The following TAFA5 variants were observed in gnomAD, a reference collection of about 807,000 sequenced individuals.
The protein encoded by TAFA5 is TAFA chemokine like family member 5.
A neutral mutation model predicts 15.3 loss-of-function variants in TAFA5; 6 were observed. That is an observed-to-expected ratio of 0.39 (90% CI 0.21 to 0.77). The LOEUF (loss-of-function observed/expected upper bound fraction) is 0.77. Among genes scored for constraint, TAFA5 ranks in the 30% least tolerant of loss-of-function variants. The probability of loss-of-function intolerance (pLI) is 0.41; values close to 1 mark genes in which losing one functional copy is unlikely to be tolerated. For missense variants in TAFA5, 161 were observed against 193.1 expected (o/e 0.83, Z 0.98); for synonymous variants, 103 against 80.7 (o/e 1.28, Z -1.48).
At chr22:48,605,990 G>A (rs1925179769) in intron 1 of TAFA5, among the ~76,000 whole-genome samples, 1 of 152,206 alleles carries the variant, frequency 6.6e-6, no homozygotes, top group South Asian at 2.1e-4. Flanking sequence ...CTGGGTGGCT[G>A]GAGGAGGCAG....
At chr22:48,634,658 C>T (rs1926379719) in intron 1 of TAFA5, among the ~76,000 whole-genome samples, 1 of 150,364 alleles carries the variant, frequency 6.7e-6, no homozygotes, top group Admixed American at 6.6e-5. Flanking sequence ...TTCACTCACT[C>T]ACTCACTCAC....
intron 1 of TAFA5, among the ~76,000 whole-genome samples, chr22:48,498,802 C>A (rs11913281): frequency 0.15 from 22,603 of 152,132 alleles, 1,820 homozygotes; most frequent in African/African-American, 0.22. Flanking sequence ...GGACAATCAG[C>A]CCACTGGAAG....
At chr22:48,562,128 G>A (rs1337213196) in intron 1 of TAFA5, among the ~76,000 whole-genome samples, 1 of 152,090 alleles carries the variant, frequency 6.6e-6, no homozygotes, top group East Asian at 1.9e-4. Context: ...TTTCCCCAGA[G>A]CCTTTCTTTT....
chr22:48,662,525 G>A (rs74576216), intron 2 of TAFA5, among the ~76,000 whole-genome samples: 12,344 of 152,122 alleles, frequency 0.081, 654 homozygotes, highest in Non-Finnish European at 0.12. Flanking sequence ...TCCAGTAGAG[G>A]TGTGAGACCG....
chr22:48,547,545 T>C (rs6008753), intron 1 of TAFA5, among the ~76,000 whole-genome samples: 15,257 of 152,258 alleles, frequency 0.1, 1,547 homozygotes, highest in East Asian at 0.24. Context: ...CTGAAGCAGC[T>C]GGGAGACTCT....
intron 2 of TAFA5, among the ~76,000 whole-genome samples, chr22:48,690,918 C>T (rs1418013666): frequency 1.3e-5 from 2 of 151,906 alleles, no homozygotes; most frequent in Non-Finnish European, 2.9e-5. Context: ...GAGGACGCCT[C>T]GCCTCCTGAG....
intron 1 of TAFA5, among the ~76,000 whole-genome samples, chr22:48,499,709 G>A (rs1920942415): frequency 6.6e-6 from 1 of 152,204 alleles, no homozygotes; most frequent in Non-Finnish European, 1.5e-5. Flanking sequence ...CTCCTGCCTG[G>A]GGCGACCTCT....
chr22:48,622,448 G>A (rs1348114823), intron 1 of TAFA5, among the ~76,000 whole-genome samples: 1 of 152,218 alleles, frequency 6.6e-6, no homozygotes. Flanking sequence ...ATTGCACTCA[G>A]CTCCACTACA....
intron 1 of TAFA5, among the ~76,000 whole-genome samples, chr22:48,600,855 C>T (rs559620286): frequency 8.5e-5 from 13 of 152,244 alleles, no homozygotes; most frequent in African/African-American, 2.9e-4. Flanking sequence ...GGGCGGTTAC[C>T]GGATTGACTG....
intron 2 of TAFA5, chr22:48,693,124 C>T (rs1928595116): frequency 3.1e-6 from 2 of 654,042 alleles, no homozygotes; most frequent in African/African-American, 1.8e-5. Flanking sequence ...TTCCCAGTAG[C>T]TGAGCGCAGG....
At chr22:48,620,293 C>T (rs1028214717) in intron 1 of TAFA5, among the ~76,000 whole-genome samples, 25 of 152,226 alleles carry the variant, frequency 1.6e-4, no homozygotes, top group African/African-American at 6.0e-4. Flanking sequence ...CATCTCCCGC[C>T]TCTTCCTCAG....
chr22:48,665,601 A>G (rs970717576), intron 2 of TAFA5, among the ~76,000 whole-genome samples: 2 of 152,098 alleles, frequency 1.3e-5, no homozygotes, highest in African/African-American at 4.8e-5. Context: ...TTCTCTGCAC[A>G]TGGAGACCCG....
chr22:48,693,287 T>C lies in TAFA5; in HGVS notation c.263-14430T>C. The C allele has an allele frequency of 4.4e-6, 7 of 1,596,272 alleles. No homozygotes were observed. In the South Asian group the frequency reaches 7.9e-5, roughly 18 times the overall value. ...AGACCTTTTCATCCCATAATTCTGC[T>C]CCCAGAAATTTGCCCTAAGAGAGTA... On this transcript the variant is annotated intron_variant, in intron 2 of 3. Transcript: ENST00000402357.
intron 2 of TAFA5, among the ~76,000 whole-genome samples, chr22:48,673,705 C>T (rs1352474030): frequency 6.6e-6 from 1 of 152,094 alleles, no homozygotes; most frequent in Admixed American, 6.6e-5. Flanking sequence ...GACCTCAGCC[C>T]CGGGTATGTA....
chr22:48,577,561 G>A (rs1478215294), intron 1 of TAFA5, among the ~76,000 whole-genome samples: 1 of 152,224 alleles, frequency 6.6e-6, no homozygotes, highest in Admixed American at 6.5e-5. Flanking sequence ...CTGTGTGGCT[G>A]GTAAGGCGCT....
intron 1 of TAFA5, among the ~76,000 whole-genome samples, chr22:48,623,328 G>A (rs1411045176): frequency 8.5e-6 from 1 of 117,456 alleles, no homozygotes; most frequent in African/African-American, 3.2e-5. Context: ...CATGTCGCGT[G>A]GCCCTGCGTG....
At chr22:48,731,280 C>T (rs1427224204) in intron 3 of TAFA5, among the ~76,000 whole-genome samples, 2 of 152,190 alleles carry the variant, frequency 1.3e-5, no homozygotes, top group East Asian at 3.8e-4. Flanking sequence ...AAGCTGTCTC[C>T]ACTACATAAA....
chr22:48,513,753 G>C (rs768373643), intron 1 of TAFA5, among the ~76,000 whole-genome samples: 13 of 152,206 alleles, frequency 8.5e-5, no homozygotes, highest in Non-Finnish European at 1.5e-4. Context: ...GTCCCAGTGA[G>C]GGCCACTTTG....
intron 1 of TAFA5, among the ~76,000 whole-genome samples, chr22:48,574,291 G>GA (rs1923683834): frequency 6.6e-6 from 1 of 152,142 alleles, no homozygotes; most frequent in African/African-American, 2.4e-5. Flanking sequence ...TGTTTTCGGG[G>GA]GCAGGTGGAG....
Sources: gnomAD v4.1 joint callset for allele counts (sites outside exome capture counted in the v4.1 genomes callset) on GRCh38, gnomAD v4.1.1 for gene constraint, MANE v1.5 for transcripts, NCBI Gene and HGNC (gene_info 2026-07-23, HGNC 2026-07-21) for gene names.